Variants in ACYP2 observed in about 807,000 individuals in gnomAD.
ACYP2 encodes acylphosphatase-2.
In ACYP2, 12 loss-of-function variants were observed where a neutral mutation model predicts 11.2. That is an observed-to-expected ratio of 1.08 (90% confidence interval 0.69 to 1.74). The LOEUF (loss-of-function observed/expected upper bound fraction) is 1.74. Ranked by LOEUF, ACYP2 falls within the 40% of genes most tolerant of loss-of-function variation. The pLI is 0.00. For missense variants in ACYP2, 134 were observed against 101.9 expected (o/e 1.31, Z -1.35); for synonymous variants, 43 against 32.2 (o/e 1.33, Z -1.13).
intron 6 of ACYP2, among the ~76,000 whole-genome samples, chr2:54,150,363 T>C (rs1208287670): frequency 3.9e-5 from 6 of 152,218 alleles, no homozygotes. Flanking sequence ...TCAAATGGTA[T>C]GTTAGACTAG....
chr2:54,031,041 T>C (rs903569786), intron 2 of ACYP2, among the ~76,000 whole-genome samples: 3 of 152,218 alleles, frequency 2.0e-5, no homozygotes, highest in African/African-American at 7.2e-5. Context: ...GCAGACACAA[T>C]GTGACATGTG....
chr2:54,227,944 A>T (rs778147559), intron 6 of ACYP2, among the ~76,000 whole-genome samples: 5 of 152,224 alleles, frequency 3.3e-5, no homozygotes, highest in Non-Finnish European at 5.9e-5. Flanking sequence ...CTTTCAAATC[A>T]TCTTCTCAGA....
intron 6 of ACYP2, among the ~76,000 whole-genome samples, chr2:54,225,160 C>T (rs1388652121): frequency 2.6e-5 from 4 of 152,118 alleles, no homozygotes; most frequent in Admixed American, 1.3e-4. Context: ...GGATACACAC[C>T]ATGACAAGAA....
At chr2:54,011,700 A>G (rs947210171) in intron 2 of ACYP2, among the ~76,000 whole-genome samples, 3 of 150,144 alleles carry the variant, frequency 2.0e-5, no homozygotes, top group Non-Finnish European at 3.0e-5. Context: ...ACATCAGTGT[A>G]TTTTCAGCCA....
At chr2:53,997,064 A>G (rs981487837) in intron 2 of ACYP2, among the ~76,000 whole-genome samples, 5 of 152,112 alleles carry the variant, frequency 3.3e-5, no homozygotes, top group African/African-American at 1.2e-4. Flanking sequence ...CCTATTCACT[A>G]TCTCCCCAAT....
In ACYP2 at chr2:54,129,754, C is replaced by T. The variant is rs543089693; in HGVS notation, c.278-5699C>T. On this transcript the variant is annotated intron_variant, in intron 4 of 6. Transcript: ENST00000607452. Reference sequence around the variant, plus strand: ...AGAATTCTTGAGATTCTTTCCAGAACTTTGAATGCAGTAAATTGAGCATCA... The same window carrying T: ...AGAATTCTTGAGATTCTTTCCAGAATTTTGAATGCAGTAAATTGAGCATCA... 8.0e-5 allele frequency among the ~76,000 whole-genome samples: 12 copies of T among 149,394 alleles called. 1 individual carries two copies. The South Asian group carries it at 2.5e-3, about 31-fold the overall frequency.
chr2:54,020,049 G>A (rs1220432747), intron 2 of ACYP2, among the ~76,000 whole-genome samples: 1 of 151,942 alleles, frequency 6.6e-6, no homozygotes, highest in Non-Finnish European at 1.5e-5. Context: ...GGATTCTCCT[G>A]CCTCAGCCTC....
At chr2:54,176,913 C>A (rs555618131) in intron 6 of ACYP2, among the ~76,000 whole-genome samples, 1 of 152,280 alleles carries the variant, frequency 6.6e-6, no homozygotes, top group Admixed American at 6.5e-5. Flanking sequence ...GTTGCAACTG[C>A]ATTACAGTTC....
intron 6 of ACYP2, among the ~76,000 whole-genome samples, chr2:54,199,513 C>T (rs1684664088): frequency 6.6e-6 from 1 of 152,118 alleles, no homozygotes; most frequent in Admixed American, 6.5e-5. Context: ...TGAGAGAAGA[C>T]AGGATAGAGA....
intron 6 of ACYP2, among the ~76,000 whole-genome samples, chr2:54,276,619 TCACACA>T (rs3071186): frequency 0.032 from 4,651 of 146,174 alleles, 78 homozygotes; most frequent in Middle Eastern, 0.077. Flanking sequence ...GATTGTTCTT[TCACACA>T]CACACACACA....
At chr2:53,992,713 C>G (rs886758701) in intron 2 of ACYP2, among the ~76,000 whole-genome samples, 66 of 151,836 alleles carry the variant, frequency 4.3e-4, no homozygotes, top group Middle Eastern at 3.4e-3. Flanking sequence ...CACCTGTAGT[C>G]CGAGCTACTT....
chr2:54,270,427 AGCC>A (rs1688236532), intron 6 of ACYP2, among the ~76,000 whole-genome samples: 2 of 151,966 alleles, frequency 1.3e-5, no homozygotes, highest in African/African-American at 2.4e-5. Flanking sequence ...TGTGTTTTTT[AGCC>A]AGTTATCCTG....
intron 6 of ACYP2, among the ~76,000 whole-genome samples, chr2:54,157,936 G>T (rs1330586912): frequency 1.3e-5 from 2 of 152,228 alleles, no homozygotes; most frequent in African/African-American, 4.8e-5. Context: ...TCTGCCTGGT[G>T]CAGGCATTAT....
In ACYP2 at chr2:54,115,599, T is replaced by G. The variant is rs1572786451; in HGVS notation, c.278-19854T>G. 6.5e-7 allele frequency: 1 copy of G among 1,545,726 alleles called. No individual in the cohort carries two copies. Reference sequence around the variant, plus strand: ...TCCGGGACCGGTGACAGGCGCGGGGTGCGCCAAGCAGTCCCATGTGTCCCC... The same window carrying G: ...TCCGGGACCGGTGACAGGCGCGGGGGGCGCCAAGCAGTCCCATGTGTCCCC... On this transcript the variant is annotated intron_variant, in intron 4 of 6. Coordinates refer to ENST00000607452, the MANE Select transcript of ACYP2 (RefSeq NM_001320586.2).
chr2:54,004,633 A>T (rs560705566), intron 2 of ACYP2, among the ~76,000 whole-genome samples: 57 of 148,832 alleles, frequency 3.8e-4, no homozygotes, highest in African/African-American at 1.4e-3. Context: ...GATGGTCTTG[A>T]TCTCCTGACC....
intron 6 of ACYP2, among the ~76,000 whole-genome samples, chr2:54,249,450 A>G (rs1040589146): frequency 3.3e-5 from 5 of 151,600 alleles, no homozygotes; most frequent in Non-Finnish European, 7.4e-5. Context: ...AAAAAAAAAA[A>G]GAGTCCTTAT....
chr2:54,117,219 T>G (rs369069763), intron 4 of ACYP2, among the ~76,000 whole-genome samples: 3 of 152,282 alleles, frequency 2.0e-5, no homozygotes, highest in African/African-American at 7.2e-5. Context: ...ATTAGAACAC[T>G]AGATGAAAAT....
At chr2:54,182,206 C>T (rs951431564) in intron 6 of ACYP2, among the ~76,000 whole-genome samples, 5 of 151,426 alleles carry the variant, frequency 3.3e-5, no homozygotes, top group African/African-American at 1.2e-4. Flanking sequence ...ATTACAGGCG[C>T]CCGCCACCAC....
At chr2:54,265,224 G>A (rs1291576757) in intron 6 of ACYP2, among the ~76,000 whole-genome samples, 1 of 152,148 alleles carries the variant, frequency 6.6e-6, no homozygotes, top group Admixed American at 6.5e-5. Context: ...GTTCCACGTG[G>A]CTGGGGAGGC....
Sources: allele counts gnomAD v4.1 joint callset (sites outside exome capture counted in the v4.1 genomes callset), GRCh38; gene constraint gnomAD v4.1.1; transcripts MANE v1.5; gene names NCBI Gene and HGNC (gene_info 2026-07-23, HGNC 2026-07-21).